Variants in UBE2K observed in about 807,000 individuals in gnomAD.
UBE2K encodes ubiquitin conjugating enzyme E2 K.
Under a neutral mutation model 30.0 loss-of-function variants are expected in UBE2K, and 6 were observed. The observed-to-expected ratio is 0.20, with a 90% CI of 0.11 to 0.39. The LOEUF (loss-of-function observed/expected upper bound fraction) is 0.39. UBE2K is among the 10% of genes least tolerant of loss of function. UBE2K has a pLI of 1.00. For missense variants in UBE2K, 61 were observed against 241.6 expected (o/e 0.25, Z 4.96); for synonymous variants, 86 against 83.7 (o/e 1.03, Z -0.15).
chr4:39,769,008 T>C (rs1025853618), intron 4 of UBE2K, among the ~76,000 whole-genome samples: 1 of 152,008 alleles, frequency 6.6e-6, no homozygotes, highest in Non-Finnish European at 1.5e-5. Context: ...GTGTATTTAG[T>C]AGAGATGGGG....
rs566002407 is a variant in UBE2K, at chr4:39,781,667, C to A, written c.*3233C>A. On this transcript the variant is annotated 3_prime_UTR_variant, in exon 7 of 7. Transcript: ENST00000261427. Reference sequence around the variant, plus strand: ...ATTTAAGATGGATTGGGGTAGGGAACAGCTGGAGCCAGGTATACCTTCTAG... The same window carrying A: ...ATTTAAGATGGATTGGGGTAGGGAAAAGCTGGAGCCAGGTATACCTTCTAG... 1.3e-4 allele frequency: 44 copies of A among 351,598 alleles called. No homozygotes were observed. Among genetic ancestry groups the A allele is most frequent in the Non-Finnish European group, 2.2e-4 (43 of 196,368 alleles). 21.8% of individuals were successfully genotyped at this position (351,598 alleles called of 1,614,324 possible).
intron 1 of UBE2K, among the ~76,000 whole-genome samples, chr4:39,727,255 CAA>C (rs771468534): frequency 2.1e-4 from 32 of 152,136 alleles, no homozygotes; most frequent in Non-Finnish European, 3.2e-4. Flanking sequence ...ACATGGACAA[CAA>C]AGACTGAATT....
At chr4:39,729,059 C>T (rs539112310) in intron 1 of UBE2K, among the ~76,000 whole-genome samples, 69 of 150,126 alleles carry the variant, frequency 4.6e-4, no homozygotes, top group Non-Finnish European at 8.3e-4. Flanking sequence ...CCCTCCGTGT[C>T]TTGGATTCAA....
At chr4:39,730,182 GA>G (rs1719990663) in intron 1 of UBE2K, among the ~76,000 whole-genome samples, 1 of 152,004 alleles carries the variant, frequency 6.6e-6, no homozygotes, top group Admixed American at 6.6e-5. Context: ...CAGAAGTCCA[GA>G]ACTTAACTTT....
At chr4:39,705,814 T>TG (rs1446457217) in intron 1 of UBE2K, among the ~76,000 whole-genome samples, 1 of 150,582 alleles carries the variant, frequency 6.6e-6, no homozygotes, top group African/African-American at 2.4e-5. Flanking sequence ...CTGGAATGGC[T>TG]GGGATCCCGG....
At chr4:39,730,922 G>C (rs1720040148) in intron 1 of UBE2K, among the ~76,000 whole-genome samples, 1 of 148,650 alleles carries the variant, frequency 6.7e-6, no homozygotes, top group Non-Finnish European at 1.5e-5. Flanking sequence ...CAGTTCTCCT[G>C]CCTTAGAATT....
At position 39,779,614 on chromosome 4, in the gene UBE2K, A is replaced by G. The variant is rs911541876; in HGVS notation, c.*1180A>G. On this transcript the variant is annotated 3_prime_UTR_variant, in exon 7 of 7. Transcript: ENST00000261427. ...TTTACCTTCTCTTGTACATAGTCAG[A>G]CTATTTGTATTAAATTTACATTTCA... The G allele has an allele frequency of 6.6e-5, 10 of 152,634 alleles. No individual in the cohort carries two copies. Among genetic ancestry groups the G allele is most frequent in the African/African-American group, 2.4e-4 (10 of 41,458 alleles). 9.5% of individuals were successfully genotyped at this position (152,634 alleles called of 1,614,324 possible).
intron 1 of UBE2K, among the ~76,000 whole-genome samples, chr4:39,704,382 G>A (rs565445829): frequency 6.6e-6 from 1 of 152,088 alleles, no homozygotes; most frequent in South Asian, 2.1e-4. Flanking sequence ...TTTCTGGAAT[G>A]GGTTGAGCAA....
intron 4 of UBE2K, chr4:39,770,096 A>G (rs1712676307): frequency 3.6e-5 from 56 of 1,564,986 alleles, no homozygotes; most frequent in Non-Finnish European, 4.5e-5. Context: ...GGATGAGGAC[A>G]TTAATCTCGG....
intron 1 of UBE2K, among the ~76,000 whole-genome samples, chr4:39,726,332 A>G (rs764394157): frequency 6.7e-4 from 102 of 151,694 alleles, no homozygotes; most frequent in Non-Finnish European, 1.2e-3. Flanking sequence ...AAATTTTTAA[A>G]CTTGTACTGA....
chr4:39,765,815 A>G (rs981263438), intron 4 of UBE2K, among the ~76,000 whole-genome samples: 1 of 150,494 alleles, frequency 6.6e-6, no homozygotes, highest in Non-Finnish European at 1.5e-5. Context: ...TCTCAAATAA[A>G]TAAGTAAGTA....
At chr4:39,719,087 C>T (rs1719277197) in intron 1 of UBE2K, among the ~76,000 whole-genome samples, 1 of 152,244 alleles carries the variant, frequency 6.6e-6, no homozygotes, top group Non-Finnish European at 1.5e-5. Flanking sequence ...CCTTTCCTGA[C>T]CTATTTCCTG....
In UBE2K at chr4:39,760,176, C is replaced by CAAAAAAAA. The variant is rs71194913; in HGVS notation, c.299+4446_299+4453dup. On this transcript the variant is annotated intron_variant, in intron 4 of 6. Transcript: ENST00000261427. ...TGGGTGACAGAGCGAGACTCTGTCA[C>CAAAAAAAA]AAAAAAAAAAAAAAAACAGAAAAAA... Among the ~76,000 whole-genome samples, 254 of 77,124 alleles carry CAAAAAAAA rather than the reference C, an allele frequency of 3.3e-3. 10 individuals carry two copies. The highest frequency in any genetic ancestry group is 0.012 in the African/African-American group (200 of 16,322). The allele number at this position is 77,124 out of a possible 152,430, so 50.6% of individuals were successfully genotyped here.
intron 4 of UBE2K, among the ~76,000 whole-genome samples, chr4:39,767,586 G>C (rs1297502131): frequency 1.3e-5 from 2 of 152,092 alleles, no homozygotes; most frequent in African/African-American, 4.8e-5. Context: ...GCCTCCCAAA[G>C]TGTTGGGATT....
intron 3 of UBE2K, 146 bp from the exon 4 acceptor site, chr4:39,755,507 TCTTC>T: frequency 3.4e-6 from 2 of 587,796 alleles, no homozygotes; most frequent in South Asian, 4.2e-5. Flanking sequence ...GGATCCTTTG[TCTTC>T]TACACCCCTT....
intron 1 of UBE2K, among the ~76,000 whole-genome samples, chr4:39,717,762 G>A (rs150452218): frequency 1.2e-3 from 187 of 152,130 alleles, no homozygotes; most frequent in Non-Finnish European, 2.4e-3. Flanking sequence ...CGGCGTGTCC[G>A]GAGTTTGTTC....
intron 3 of UBE2K, among the ~76,000 whole-genome samples, chr4:39,750,696 G>A (rs548497790): frequency 1.3e-5 from 2 of 151,210 alleles, no homozygotes; most frequent in Admixed American, 6.6e-5. Flanking sequence ...GCTGGGCCAC[G>A]GAGATAATCT....
intron 1 of UBE2K, among the ~76,000 whole-genome samples, chr4:39,702,601 A>G (rs28449607): frequency 0.11 from 16,859 of 152,130 alleles, 1,143 homozygotes; most frequent in East Asian, 0.22. Context: ...GGCATAAACA[A>G]ATTGGTTTCG....
intron 1 of UBE2K, chr4:39,714,538 A>ATTTTT (rs1330301395): frequency 9.0e-5 from 2 of 22,232 alleles, no homozygotes; most frequent in African/African-American, 3.5e-4. Flanking sequence ...ATATATATAT[A>ATTTTT]TATATATATA....
Sources: allele counts gnomAD v4.1 joint callset (sites outside exome capture counted in the v4.1 genomes callset), GRCh38; gene constraint gnomAD v4.1.1; transcripts MANE v1.5; gene names NCBI Gene and HGNC (gene_info 2026-07-23, HGNC 2026-07-21).